Variants in DLG2 observed in about 807,000 individuals in gnomAD.
The protein encoded by DLG2 is disks large homolog 2.
In DLG2, 45 loss-of-function variants were observed where a neutral mutation model predicts 132.5. That is an observed-to-expected ratio of 0.34 (90% CI 0.27 to 0.44). The LOEUF (loss-of-function observed/expected upper bound fraction) is 0.44, where lower values mean the gene tolerates loss of function less well. Among genes scored for constraint, DLG2 ranks in the 20% least tolerant of loss-of-function variants. The pLI is 1.00. For synonymous variants in DLG2, 424 were observed against 419.6 expected, an observed-to-expected ratio of 1.01 and a Z score of -0.13; for missense variants, 1,045 against 1,196.9, an observed-to-expected ratio of 0.87 and a Z score of 1.87.
chr11:85,179,289 A>G (rs72945929), intron 4 of DLG2, among the ~76,000 whole-genome samples: 8,079 of 151,938 alleles, frequency 0.053, 314 homozygotes, highest in South Asian at 0.1. Flanking sequence ...TTAACAATAA[A>G]TATCCTCACA....
intron 6 of DLG2, among the ~76,000 whole-genome samples, chr11:84,721,808 T>G (rs749086051): frequency 5.3e-5 from 8 of 152,152 alleles, no homozygotes; most frequent in Admixed American, 1.3e-4. Context: ...AAACCCCTGT[T>G]TGCTTACCTG....
intron 11 of DLG2, among the ~76,000 whole-genome samples, chr11:84,037,373 G>T (rs12275051): frequency 0.085 from 12,999 of 152,138 alleles, 644 homozygotes; most frequent in African/African-American, 0.13. Context: ...AAGACAGCTA[G>T]TTGAAATTTC....
At position 85,091,695 on chromosome 11, in the gene DLG2, ACTTT is replaced by A. The variant is rs1162470229; in HGVS notation, c.357+19962_357+19965del. Among the ~76,000 whole-genome samples, 6 of 152,208 alleles carry A rather than the reference ACTTT, an allele frequency of 3.9e-5. No homozygotes were observed. The East Asian group carries it at 1.2e-3, about 29-fold the overall frequency. On this transcript the variant is annotated intron_variant, in intron 6 of 27. Coordinates refer to ENST00000376104, the MANE Select transcript of DLG2 (RefSeq NM_001142699.3). ...GAAGTAAATTTTGTCTCAAAAAAACACTTTCTTTGCTCATCCGTAACAAGCAACT... is the reference window on the plus strand; with the variant it reads ...GAAGTAAATTTTGTCTCAAAAAAACACTTTGCTCATCCGTAACAAGCAACT...
At chr11:83,852,356 T>A (rs1018477298) in intron 16 of DLG2, among the ~76,000 whole-genome samples, 6 of 152,206 alleles carry the variant, frequency 3.9e-5, no homozygotes, top group Non-Finnish European at 7.3e-5. Context: ...AATAAAAGTA[T>A]AATCATACCA....
chr11:84,458,061 C>T (rs906486788), intron 7 of DLG2, among the ~76,000 whole-genome samples: 3 of 150,670 alleles, frequency 2.0e-5, no homozygotes, highest in East Asian at 1.9e-4. Flanking sequence ...CAGATATAGA[C>T]GCAGATGTAG....
At chr11:83,922,274 A>G (rs930002879) in intron 15 of DLG2, among the ~76,000 whole-genome samples, 1 of 152,122 alleles carries the variant, frequency 6.6e-6, no homozygotes, top group Non-Finnish European at 1.5e-5. Flanking sequence ...CACAGATTGC[A>G]TTGCAGAGGA....
At chr11:84,870,899 G>A (rs917587027) in intron 6 of DLG2, among the ~76,000 whole-genome samples, 12 of 152,152 alleles carry the variant, frequency 7.9e-5, no homozygotes, top group African/African-American at 2.4e-4. Context: ...AAACAAAAAC[G>A]AAGTGAACTA....
chr11:84,903,491 T>C (rs1055696327), intron 6 of DLG2, among the ~76,000 whole-genome samples: 10 of 152,146 alleles, frequency 6.6e-5, no homozygotes, highest in Non-Finnish European at 1.0e-4. Context: ...CCCTTAAGAA[T>C]ATAAGCTACT....
chr11:85,470,231 AT>A (rs2092939214), intron 3 of DLG2, among the ~76,000 whole-genome samples: 1 of 151,610 alleles, frequency 6.6e-6, no homozygotes. Context: ...TTTAATAAAA[AT>A]CCCCCCAATC....
chr11:83,761,325 G>T (rs953502041), intron 18 of DLG2, among the ~76,000 whole-genome samples: 1 of 152,100 alleles, frequency 6.6e-6, no homozygotes, highest in Non-Finnish European at 1.5e-5. Context: ...AATACATCTG[G>T]CCCACTTTTT....
At position 83,491,881 on chromosome 11, in the gene DLG2, A is replaced by C. The variant is rs992379819; in HGVS notation, c.2194-7653T>G. On this transcript the variant is annotated intron_variant, in intron 21 of 27. Coordinates refer to ENST00000376104, the MANE Select transcript of DLG2 (RefSeq NM_001142699.3). ...TTATCCCTTCTTCTCTTCCCTTCTG[A>C]ACTTACTTCAATCACACTTCAAATA... 6.6e-5 allele frequency among the ~76,000 whole-genome samples: 10 copies of C among 152,020 alleles called. No homozygotes were observed. The South Asian group carries it at 1.7e-3, about 25-fold the overall frequency.
rs889115181 is a variant in DLG2, at chr11:83,975,263, A to C, written c.1056+5243T>G. Among the ~76,000 whole-genome samples, 3 of 152,052 alleles carry C rather than the reference A, an allele frequency of 2.0e-5. No individual in the cohort carries two copies. The South Asian group carries it at 6.2e-4, about 31-fold the overall frequency. ...TAAACTCTGACTACCACTGAAATTCAAGGCCAAGAGAATCTATTTCATCTG... is the reference window on the plus strand; with the variant it reads ...TAAACTCTGACTACCACTGAAATTCCAGGCCAAGAGAATCTATTTCATCTG... On this transcript the variant is annotated intron_variant, in intron 12 of 27. Transcript: ENST00000376104.
chr11:84,504,342 A>T (rs1321618509), intron 7 of DLG2, among the ~76,000 whole-genome samples: 1 of 152,204 alleles, frequency 6.6e-6, no homozygotes, highest in Non-Finnish European at 1.5e-5. Flanking sequence ...TGTATTAATA[A>T]TGCCAAATCC....
chr11:83,696,358 C>G (rs1007589968), intron 18 of DLG2, among the ~76,000 whole-genome samples: 1 of 152,158 alleles, frequency 6.6e-6, no homozygotes, highest in Non-Finnish European at 1.5e-5. Context: ...GACCCTGTTT[C>G]CCAACGTGGC....
intron 7 of DLG2, among the ~76,000 whole-genome samples, chr11:84,480,756 C>CTTT (rs777828752): frequency 8.8e-5 from 10 of 113,036 alleles, no homozygotes; most frequent in African/African-American, 2.9e-4. Context: ...TGGGGGTTTT[C>CTTT]TTTTTTTTTT....
chr11:84,721,234 G>T (rs1486069991), intron 6 of DLG2, among the ~76,000 whole-genome samples: 1 of 152,214 alleles, frequency 6.6e-6, no homozygotes, highest in Non-Finnish European at 1.5e-5. Context: ...GGCCAGCAAA[G>T]AAATCTGGGG....
intron 7 of DLG2, among the ~76,000 whole-genome samples, chr11:84,510,698 A>G (rs2099254761): frequency 1.3e-5 from 2 of 152,216 alleles, no homozygotes; most frequent in Non-Finnish European, 2.9e-5. Flanking sequence ...TAATTATGAT[A>G]TTTAACAGTC....
intron 3 of DLG2, among the ~76,000 whole-genome samples, chr11:85,443,062 A>G (rs1300273204): frequency 6.6e-6 from 1 of 152,256 alleles, no homozygotes; most frequent in Non-Finnish European, 1.5e-5. Context: ...TGATTCCAAT[A>G]GAAAATAAGA....
chr11:84,607,818 C>G (rs775276576), intron 6 of DLG2, among the ~76,000 whole-genome samples: 3 of 152,024 alleles, frequency 2.0e-5, no homozygotes, highest in Non-Finnish European at 2.9e-5. Flanking sequence ...GTAACCTAAT[C>G]TCTAATATGG....
Sources: gnomAD v4.1 joint callset for allele counts (sites outside exome capture counted in the v4.1 genomes callset) on GRCh38, gnomAD v4.1.1 for gene constraint, MANE v1.5 for transcripts, NCBI Gene and HGNC (gene_info 2026-07-23, HGNC 2026-07-21) for gene names.